ESR1: variants seen among roughly 807,000 people sequenced by gnomAD.
ESR1 encodes estrogen receptor 1.
A neutral mutation model predicts 52.7 loss-of-function variants in ESR1; 12 were observed. The observed-to-expected ratio is 0.23, with a 90% CI of 0.15 to 0.37. The LOEUF (loss-of-function observed/expected upper bound fraction) is 0.37, where lower values mean the gene tolerates loss of function less well. Among genes scored for constraint, ESR1 ranks in the 10% least tolerant of loss-of-function variants. The pLI is 1.00. For missense variants in ESR1, 584 were observed against 779.7 expected (o/e 0.75, Z 2.99); for synonymous variants, 305 against 316.8 (o/e 0.96, Z 0.39).
chr6:151,913,697 C>T (rs1486109879), intron 3 of ESR1, among the ~76,000 whole-genome samples: 1 of 151,946 alleles, frequency 6.6e-6, no homozygotes, highest in Non-Finnish European at 1.5e-5. Context: ...TTCCTTCTTC[C>T]AAAGAACTCT....
chr6:151,973,583 C>T, intron 4 of ESR1, among the ~76,000 whole-genome samples: 1 of 152,282 alleles, frequency 6.6e-6, no homozygotes, highest in East Asian at 1.9e-4. Flanking sequence ...ACTATGCTCC[C>T]AGTACCAGCC....
chr6:151,977,365 GCTT>G (rs890988961), intron 4 of ESR1, among the ~76,000 whole-genome samples: 1 of 149,858 alleles, frequency 6.7e-6, no homozygotes, highest in Non-Finnish European at 1.5e-5. Flanking sequence ...AAGGAAAACA[GCTT>G]CCTAGAGAAA....
intron 3 of ESR1, among the ~76,000 whole-genome samples, chr6:151,906,313 A>C (rs1797447729): frequency 6.6e-6 from 1 of 152,082 alleles, no homozygotes; most frequent in African/African-American, 2.4e-5. Flanking sequence ...AAAACAGAAG[A>C]CTTTTTTTAA....
intron 3 of ESR1, among the ~76,000 whole-genome samples, chr6:151,943,553 G>A (rs1243382621): frequency 6.6e-6 from 1 of 152,056 alleles, no homozygotes; most frequent in Non-Finnish European, 1.5e-5. Flanking sequence ...GCAATCCTAG[G>A]GTGATGAGGA....
chr6:151,801,552 G>C (rs972983003), upstream of ESR1, among the ~76,000 whole-genome samples: 3 of 152,208 alleles, frequency 2.0e-5, no homozygotes, highest in Admixed American at 2.0e-4. Context: ...GGCTTTGTGA[G>C]AGTCAGGGTC....
chr6:151,930,079 G>A (rs1238422987), intron 3 of ESR1, among the ~76,000 whole-genome samples: 1 of 151,840 alleles, frequency 6.6e-6, no homozygotes, highest in Non-Finnish European at 1.5e-5. Context: ...TGCCTCCTGG[G>A]TTCAAGCGAT....
intron 7 of ESR1, among the ~76,000 whole-genome samples, chr6:152,096,233 C>A (rs2050599231): frequency 6.6e-6 from 1 of 152,110 alleles, no homozygotes; most frequent in East Asian, 1.9e-4. Flanking sequence ...GCCTACATGA[C>A]CTTGGGCTTA....
downstream of ESR1, among the ~76,000 whole-genome samples, chr6:152,104,415 T>C (rs923386990): frequency 6.6e-6 from 1 of 152,198 alleles, no homozygotes; most frequent in African/African-American, 2.4e-5. Context: ...GTACCACACA[T>C]AGTCAGCACT....
At chr6:151,673,518 C>T (rs1582861436) in intron 1 of ESR1, among the ~76,000 whole-genome samples, 1 of 152,036 alleles carries the variant, frequency 6.6e-6, no homozygotes, top group Non-Finnish European at 1.5e-5. Context: ...TCATGTAGTC[C>T]TGGGTCTTTG....
intron 4 of ESR1, among the ~76,000 whole-genome samples, chr6:151,965,769 C>A (rs367738874): frequency 6.6e-6 from 1 of 152,092 alleles, no homozygotes; most frequent in Non-Finnish European, 1.5e-5. Flanking sequence ...CTTTTCCATT[C>A]TTTTCCCCTA....
intron 2 of ESR1, among the ~76,000 whole-genome samples, chr6:151,775,664 T>C (rs1007409664): frequency 6.7e-6 from 1 of 150,190 alleles, no homozygotes; most frequent in African/African-American, 2.5e-5. Context: ...GAGAATGGCG[T>C]GAACCCGGGA....
upstream of ESR1, among the ~76,000 whole-genome samples, chr6:151,801,419 G>A (rs1777232544): frequency 6.6e-6 from 1 of 152,188 alleles, no homozygotes; most frequent in Non-Finnish European, 1.5e-5. Flanking sequence ...AAGCTTGCAA[G>A]TTAAATCCAA....
At chr6:151,861,701 G>A (rs1788918907) in intron 2 of ESR1, among the ~76,000 whole-genome samples, 1 of 152,080 alleles carries the variant, frequency 6.6e-6, no homozygotes, top group Admixed American at 6.6e-5. Flanking sequence ...TGTAATTCTT[G>A]GTTGTTTAAA....
chr6:151,871,961 CTTTA>C (rs538089196), intron 2 of ESR1, among the ~76,000 whole-genome samples: 81 of 152,316 alleles, frequency 5.3e-4, no homozygotes, highest in Admixed American at 2.7e-3. Flanking sequence ...ATAGACCACA[CTTTA>C]TTTATCCATT....
chr6:152,104,401 G>T (rs559121552), downstream of ESR1, among the ~76,000 whole-genome samples: 2 of 152,204 alleles, frequency 1.3e-5, no homozygotes, highest in Admixed American at 1.3e-4. Flanking sequence ...AAGTGCCCAG[G>T]ATAGTACCAC....
chr6:151,988,344 C>T (rs1465171353), intron 4 of ESR1, among the ~76,000 whole-genome samples: 2 of 152,030 alleles, frequency 1.3e-5, no homozygotes, highest in Admixed American at 6.5e-5. Flanking sequence ...CAGTAGGATT[C>T]GTGCTCCTAT....
Position 152,051,012 on chromosome 6 carries a change from A to C in ESR1, c.1236-9979A>C, listed in dbSNP as rs114184974. Among the ~76,000 whole-genome samples, 467 of 152,306 alleles carry C rather than the reference A, an allele frequency of 3.1e-3. 6 individuals carry two copies. The highest frequency in any genetic ancestry group is 0.011 in the African/African-American group (442 of 41,560). On this transcript the variant is annotated intron_variant, in intron 5 of 7. Transcript: ENST00000206249. The stretch of plus-strand genomic sequence containing the variant: ...CATTAGTAGAGTAGATGTAGAGTAG[A>C]TGCCACCTCTAGGAACTCTACCAGC...
At chr6:151,859,283 T>G (rs1307062311) in intron 2 of ESR1, among the ~76,000 whole-genome samples, 1 of 152,214 alleles carries the variant, frequency 6.6e-6, no homozygotes, top group East Asian at 1.9e-4. Flanking sequence ...CTTTACAAAT[T>G]ATAGATCAAA....
intron 2 of ESR1, among the ~76,000 whole-genome samples, chr6:151,764,044 G>C (rs977265762): frequency 5.6e-4 from 85 of 152,264 alleles, no homozygotes; most frequent in Non-Finnish European, 1.3e-4. Flanking sequence ...TGTTGCTGGA[G>C]CAAAGCGCGG....
Sources: allele counts gnomAD v4.1 joint callset (sites outside exome capture counted in the v4.1 genomes callset), GRCh38; gene constraint gnomAD v4.1.1; transcripts MANE v1.5; gene names NCBI Gene and HGNC (gene_info 2026-07-23, HGNC 2026-07-21).